Variants in METTL9 observed in about 807,000 individuals in gnomAD.
METTL9 encodes methyltransferase 9, His-X-His N1(pi)-histidine, also known as protein-L-histidine N-pros-methyltransferase.
Under a neutral mutation model 36.0 loss-of-function variants are expected in METTL9, and 10 were observed. That is an observed-to-expected ratio of 0.28 (90% CI 0.17 to 0.47). The LOEUF (loss-of-function observed/expected upper bound fraction) is 0.47, where lower values mean the gene tolerates loss of function less well. METTL9 is among the 20% of genes least tolerant of loss of function. The pLI is 0.99. For missense variants in METTL9, 246 were observed against 383.5 expected (o/e 0.64, Z 3.00); for synonymous variants, 175 against 149.7 (o/e 1.17, Z -1.23).
intron 1 of METTL9, among the ~76,000 whole-genome samples, chr16:21,603,689 G>A (rs1002968134): frequency 2.0e-5 from 3 of 152,122 alleles, no homozygotes; most frequent in Non-Finnish European, 4.4e-5. Flanking sequence ...CAGGTTCTTG[G>A]TAATAATAGC....
At chr16:21,644,376 C>T in intron 4 of METTL9, 1 of 1,613,098 alleles carries the variant, frequency 6.2e-7, no homozygotes, top group Admixed American at 1.7e-5. Flanking sequence ...CTCCGCAGTT[C>T]CTTGCTGAGC....
chr16:21,632,851 A>G (rs1179660312), intron 4 of METTL9, among the ~76,000 whole-genome samples: 1 of 152,148 alleles, frequency 6.6e-6, no homozygotes, highest in African/African-American at 2.4e-5. Flanking sequence ...GGGTCATCCC[A>G]CAAGTCTGAG....
chr16:21,599,788 C>G lies in METTL9; in HGVS notation c.55C>G (p.Arg19Gly). The G allele has an allele frequency of 6.5e-7, 1 of 1,548,768 alleles. No individual in the cohort carries two copies. The highest frequency in any genetic ancestry group is 8.7e-7 in the Non-Finnish European group (1 of 1,154,346). ...CLSLASVWLA[R>G]RMWTLRSPLT... ...GAGCCTGGCGTCCGTGTGGCTGGCG[C>G]GGAGGATGTGGACGCTGCGGAGCCC... is the stretch of plus-strand genomic sequence containing the variant. The change falls in exon 1 of 5, where the codon CGG becomes GGG. Residue 19 changes from arginine (R) to glycine (G), a missense_variant. By Grantham distance (125) the Arg-to-Gly change is moderately radical (BLOSUM62 -2). This residue lies in a region of METTL9 where 100 missense variants were observed against 81.4 expected (regional missense o/e 1.23). Coordinates refer to ENST00000358154, the MANE Select transcript of METTL9 (RefSeq NM_016025.5). The surrounding 1 kb of genome is among the most constrained non-coding windows in gnomAD (Gnocchi z 4.4).
intron 1 of METTL9, among the ~76,000 whole-genome samples, chr16:21,610,433 A>G (rs1158082921): frequency 1.3e-5 from 2 of 152,220 alleles, no homozygotes; most frequent in Non-Finnish European, 2.9e-5. Flanking sequence ...AGTTTCTGAC[A>G]TTGCTGCTGT....
chr16:21,617,735 A>AC, intron 2 of METTL9, 130 bp from the exon 3 acceptor site: 1 of 852,654 alleles, frequency 1.2e-6, no homozygotes. Flanking sequence ...TCTAAAAAAA[A>AC]AAAAAATCTT....
At chr16:21,613,570 GC>G (rs1184953077) in intron 2 of METTL9, among the ~76,000 whole-genome samples, 1 of 152,128 alleles carries the variant, frequency 6.6e-6, no homozygotes. Context: ...CTGGAACCAA[GC>G]CCTGAAGCTG....
chr16:21,637,874 G>C (rs989596201), intron 4 of METTL9, among the ~76,000 whole-genome samples: 1 of 152,272 alleles, frequency 6.6e-6, no homozygotes, highest in Non-Finnish European at 1.5e-5. Flanking sequence ...CCGAGGAGGC[G>C]CTGAGAGCGA....
In METTL9 at chr16:21,613,054, C is replaced by T. The variant is rs184535262; in HGVS notation, c.356+219C>T. Among the ~76,000 whole-genome samples, 17 of 151,324 alleles carry T rather than the reference C, an allele frequency of 1.1e-4. No individual in the cohort carries two copies. The East Asian group carries it at 1.9e-3, about 17-fold the overall frequency. ...GCCTCATTAGTATGTTTATTCATAG[C>T]GGGAGTTACTTACGGTAGTGCTTCT... On this transcript the variant is annotated intron_variant, in intron 2 of 4. Coordinates refer to ENST00000358154, the MANE Select transcript of METTL9 (RefSeq NM_016025.5).
intron 4 of METTL9, 73 bp downstream of exon 4, chr16:21,625,188 A>G (rs1471709941): frequency 5.9e-6 from 9 of 1,514,782 alleles, no homozygotes; most frequent in Non-Finnish European, 8.2e-6. Context: ...TGTGCTGTGT[A>G]CAATTAAATA....
rs764289887 is a variant in METTL9 at position 21,644,185 on chromosome 16, G to C, written c.752-11042G>C. ...CAGATGCACAGGAAAATGTTAATTA[G>C]GGAGCTCTTGCTGAGGCCCATAACT... On this transcript the variant is annotated intron_variant, in intron 4 of 4. Coordinates refer to ENST00000358154, the MANE Select transcript of METTL9 (RefSeq NM_016025.5). The C allele has an allele frequency of 1.7e-4, 133 of 767,472 alleles. 1 individual carries two copies. The highest frequency in any genetic ancestry group is 2.7e-4 in the Non-Finnish European group (122 of 448,842). 47.5% of individuals were successfully genotyped at this position (767,472 alleles called of 1,614,324 possible).
At chr16:21,601,519 A>G (rs1965126022) in intron 1 of METTL9, among the ~76,000 whole-genome samples, 1 of 152,198 alleles carries the variant, frequency 6.6e-6, no homozygotes, top group African/African-American at 2.4e-5. Flanking sequence ...TTTAGTGCTC[A>G]TAAAAGAATT....
At chr16:21,636,304 CG>C (rs1966090516) in intron 4 of METTL9, among the ~76,000 whole-genome samples, 1 of 152,174 alleles carries the variant, frequency 6.6e-6, no homozygotes, top group Admixed American at 6.5e-5. Flanking sequence ...CCCCCTATGA[CG>C]GGGCTTTGGG....
rs57264395 is a variant in METTL9, at chr16:21,601,729, CTG to C, written c.165+1863_165+1864del. On this transcript the variant is annotated intron_variant, in intron 1 of 4. Coordinates refer to ENST00000358154, the MANE Select transcript of METTL9 (RefSeq NM_016025.5). The stretch of plus-strand genomic sequence containing the variant: ...TTATTTCAGATACCGTATTTATATT[CTG>C]TGTGTGTGTGTGTGTGTGTGTGTGT... 6.3e-3 allele frequency among the ~76,000 whole-genome samples: 917 copies of C among 145,652 alleles called. 6 individuals carry two copies. Among genetic ancestry groups the C allele is most frequent in the African/African-American group, 0.01 (408 of 39,216 alleles).
chr16:21,605,570 T>C (rs1283538172), intron 1 of METTL9, among the ~76,000 whole-genome samples: 1 of 152,120 alleles, frequency 6.6e-6, no homozygotes, highest in African/African-American at 2.4e-5. Context: ...AATAGGAAAC[T>C]GCCCTCATTC....
intron 4 of METTL9, chr16:21,644,438 C>A (rs1334798944): frequency 7.3e-7 from 1 of 1,374,656 alleles, no homozygotes; most frequent in Non-Finnish European, 1.0e-6. Context: ...ACTATTAAAG[C>A]CTATTCTTTC....
At chr16:21,603,675 G>A (rs1044613674) in intron 1 of METTL9, among the ~76,000 whole-genome samples, 2 of 152,126 alleles carry the variant, frequency 1.3e-5, no homozygotes, top group East Asian at 1.9e-4. Flanking sequence ...GGACCCTTAG[G>A]CCCCAGGTTC....
intron 4 of METTL9, chr16:21,627,404 GA>G: frequency 2.0e-6 from 2 of 983,496 alleles, no homozygotes; most frequent in South Asian, 9.4e-5. Context: ...GAAAAAAAAT[GA>G]AAAAAATACC....
chr16:21,642,799 TC>T (rs1966308223), intron 4 of METTL9, among the ~76,000 whole-genome samples: 1 of 152,234 alleles, frequency 6.6e-6, no homozygotes, highest in African/African-American at 2.4e-5. Context: ...TTTTAAAGCA[TC>T]ATTGTCTGTA....
intron 4 of METTL9, chr16:21,654,512 G>A (rs1966660483): frequency 6.6e-6 from 1 of 152,312 alleles, no homozygotes; most frequent in Non-Finnish European, 1.5e-5. Context: ...TTGTCCCCCA[G>A]GCATCTCCTG....
Sources: allele counts gnomAD v4.1 joint callset (sites outside exome capture counted in the v4.1 genomes callset), GRCh38; gene constraint gnomAD v4.1.1; regional missense constraint gnomAD v4.1.1; non-coding constraint Gnocchi (gnomAD v3.1); transcripts MANE v1.5; gene names NCBI Gene and HGNC (gene_info 2026-07-23, HGNC 2026-07-21).